Variants in MASP1 observed in about 807,000 individuals in gnomAD.
The protein encoded by MASP1 is MBL associated serine protease 1.
Under a neutral mutation model 77.1 loss-of-function variants are expected in MASP1, and 59 were observed. That is an observed-to-expected ratio of 0.77 (90% CI 0.62 to 0.95). The LOEUF is 0.95. Ranked by LOEUF, MASP1 falls within the 40% of genes least tolerant of loss-of-function variation. The pLI, the probability that MASP1 is intolerant of heterozygous loss-of-function variation, is 0.00. For missense variants in MASP1, 885 were observed against 912.9 expected (o/e 0.97, Z 0.39); for synonymous variants, 362 against 354.5 (o/e 1.02, Z -0.24).
Position 187,217,626 on chromosome 3 carries a change from G to C in MASP1, c.*2445C>G, listed in dbSNP as rs191109766. On this transcript the variant is annotated 3_prime_UTR_variant, in exon 16 of 16. Transcript: ENST00000337774. Reference sequence around the variant, plus strand: ...TAGAAATGCTCAAGAATGAGGTCGCGAAGTTAGACAAGGTTGTTGTCCTCA... The same window carrying C: ...TAGAAATGCTCAAGAATGAGGTCGCCAAGTTAGACAAGGTTGTTGTCCTCA... 6.0e-4 allele frequency: 91 copies of C among 152,298 alleles called. 1 individual carries two copies. The highest frequency in any genetic ancestry group is 3.4e-3 in the Middle Eastern group (1 of 294). The allele number at this position is 152,298 out of a possible 1,614,324, so 9.4% of individuals were successfully genotyped here.
In MASP1 at chr3:187,235,547, G is replaced by A. The variant is rs768402900; in HGVS notation, c.*137C>T. The A allele has an allele frequency of 4.3e-5, 66 of 1,543,494 alleles. No homozygotes were observed. Among genetic ancestry groups the A allele is most frequent in the Non-Finnish European group, 5.6e-5 (64 of 1,152,550 alleles). On this transcript the variant is annotated 3_prime_UTR_variant, in exon 11 of 11. Transcript: ENST00000296280. ...ACACTCTGCCTCTCAGGGTCCTGGG[G>A]GCTGTCTCGGTAGGAGAAGCCACCG...
chr3:187,286,389 C>A (rs982777067), intron 1 of MASP1, among the ~76,000 whole-genome samples: 3 of 152,142 alleles, frequency 2.0e-5, no homozygotes, highest in African/African-American at 7.2e-5. Context: ...ATTTCTTTAG[C>A]TCAGCTTCAT....
At chr3:187,219,209 A>G (rs1273055870) in exon 16 of MASP1, 3 of 152,178 alleles carry the variant, frequency 2.0e-5, no homozygotes, top group Admixed American at 6.5e-5. Flanking sequence ...GCTTTACCTC[A>G]TCTTATCAGG....
intron 2 of MASP1, 52 bp downstream of exon 2, chr3:187,285,768 CCTTGT>C: frequency 5.9e-6 from 8 of 1,362,320 alleles, no homozygotes; most frequent in Non-Finnish European, 8.4e-6. Flanking sequence ...TTTCATATTG[CCTTGT>C]CTAAATCCCA....
rs185136575 is a variant in MASP1, at chr3:187,248,126, A to C, written c.1090+2125T>G. On this transcript the variant is annotated intron_variant, in intron 8 of 10. Transcript: ENST00000296280. ...AGATGCTGGGTATGACTGAATGGGA[A>C]TTCTAATAGTCTTAATCCAGCCTAT... is the stretch of plus-strand genomic sequence containing the variant. Among the ~76,000 whole-genome samples the C allele has an allele frequency of 1.6e-3, 241 of 152,320 alleles. 2 individuals carry two copies. The highest frequency in any genetic ancestry group is 5.7e-3 in the African/African-American group (237 of 41,566).
intron 1 of MASP1, among the ~76,000 whole-genome samples, chr3:187,289,790 C>T (rs1447381270): frequency 2.0e-5 from 3 of 152,176 alleles, no homozygotes; most frequent in Admixed American, 6.5e-5. Context: ...AAATTTGAAT[C>T]TGGACCTTTT....
At chr3:187,283,368 C>T (rs1011461207) in intron 2 of MASP1, among the ~76,000 whole-genome samples, 1 of 152,212 alleles carries the variant, frequency 6.6e-6, no homozygotes, top group African/African-American at 2.4e-5. Context: ...TCAGCTGCTT[C>T]ATCTGCCTTC....
chr3:187,274,757 A>G (rs982466736), intron 2 of MASP1, among the ~76,000 whole-genome samples: 3 of 152,138 alleles, frequency 2.0e-5, no homozygotes, highest in Admixed American at 1.3e-4. Flanking sequence ...GGCCAGAGAA[A>G]CAGCTGGCAG....
intron 2 of MASP1, among the ~76,000 whole-genome samples, chr3:187,281,840 T>C (rs1056274432): frequency 6.6e-6 from 1 of 152,176 alleles, no homozygotes; most frequent in Non-Finnish European, 1.5e-5. Flanking sequence ...TGGATTTACC[T>C]GGGGGCCACA....
At chr3:187,247,947 A>T (rs1714239109) in intron 8 of MASP1, among the ~76,000 whole-genome samples, 1 of 152,270 alleles carries the variant, frequency 6.6e-6, no homozygotes, top group South Asian at 2.1e-4. Flanking sequence ...TCTTTTTAAA[A>T]TTTTTAATCA....
chr3:187,222,484 A>G (rs1222668151), intron 14 of MASP1, among the ~76,000 whole-genome samples: 1 of 152,196 alleles, frequency 6.6e-6, no homozygotes, highest in Admixed American at 6.5e-5. Context: ...AGAATTTAGA[A>G]ACTAGCTGTG....
chr3:187,273,401 T>C (rs1449481567), intron 2 of MASP1, among the ~76,000 whole-genome samples: 1 of 152,186 alleles, frequency 6.6e-6, no homozygotes, highest in Non-Finnish European at 1.5e-5. Context: ...TGAAAGACGA[T>C]CAGAGCAAAG....
In MASP1 at chr3:187,260,843, C is replaced by T. The variant is rs767493716; in HGVS notation, c.445G>A (p.Glu149Lys). The T allele has an allele frequency of 1.1e-5, 17 of 1,613,996 alleles. No homozygotes were observed. The highest frequency in any genetic ancestry group is 1.3e-5 in the Non-Finnish European group (15 of 1,180,018). The change falls in exon 4 of 11, where the codon GAG (glutamate) becomes AAG (lysine). Residue 149 changes from glutamate (E) to lysine (K), a missense_variant. Physicochemically the swap from Glu to Lys is moderately conservative, Grantham distance 56 (BLOSUM62 1). Coordinates refer to ENST00000296280, the MANE Select transcript of MASP1 (RefSeq NM_139125.4). ...CAGTAGTGGTCACAGGACAGCTCCT[C>T]GTCCTCCCTCTCCTTGCACTCGTCC... The part of the protein sequence containing the change: ...DVDECKERED[E>K]ELSCDHYCHN...
At chr3:187,248,214 C>T (rs1186747719) in intron 8 of MASP1, among the ~76,000 whole-genome samples, 1 of 152,108 alleles carries the variant, frequency 6.6e-6, no homozygotes, top group African/African-American at 2.4e-5. Flanking sequence ...ACAGGGTGTT[C>T]TGTTGTATGC....
chr3:187,285,732 C>T (rs565938174), intron 2 of MASP1, 93 bp downstream of exon 2: 2 of 1,004,458 alleles, frequency 2.0e-6, no homozygotes, highest in African/African-American at 1.6e-5. Flanking sequence ...GTCTCTCTTA[C>T]TATATGCCAC....
intron 4 of MASP1, 84 bp downstream of exon 4, chr3:187,260,657 T>C: frequency 6.3e-7 from 1 of 1,577,460 alleles, no homozygotes; most frequent in Non-Finnish European, 8.7e-7. Context: ...TCCTATTGCA[T>C]ATCTGTCTTT....
At chr3:187,247,962 A>G (rs1714241252) in intron 8 of MASP1, among the ~76,000 whole-genome samples, 3 of 152,136 alleles carry the variant, frequency 2.0e-5, no homozygotes, top group African/African-American at 4.8e-5. Context: ...TAATCAGCGA[A>G]TTTTAAGAAA....
intron 2 of MASP1, chr3:187,263,044 C>T (rs1715732115): frequency 3.0e-6 from 1 of 331,054 alleles, no homozygotes. Context: ...CAGACAGATT[C>T]TCTGCACAAC....
At chr3:187,220,188 G>A (rs929142964) in exon 16 of MASP1, 1 of 1,614,160 alleles carries the variant, frequency 6.2e-7, no homozygotes, top group Non-Finnish European at 8.5e-7. Flanking sequence ...TGCCCACCAG[G>A]TACCACTGGC....
Sources: gnomAD v4.1 joint callset for allele counts (sites outside exome capture counted in the v4.1 genomes callset) on GRCh38, gnomAD v4.1.1 for gene constraint, MANE v1.5 for transcripts, NCBI Gene and HGNC (gene_info 2026-07-23, HGNC 2026-07-21) for gene names.